LMTK2: variants seen among roughly 807,000 people sequenced by gnomAD.
LMTK2 encodes the protein lemur tail kinase 2.
LMTK2 carries 37 observed loss-of-function variants against 127.5 expected under a neutral mutation model. The observed-to-expected ratio is 0.29, with a 90% CI of 0.22 to 0.38. LMTK2 has a LOEUF of 0.38. Ranked by LOEUF, LMTK2 falls within the 10% of genes least tolerant of loss-of-function variation. The pLI is 1.00. For missense variants in LMTK2, 1,694 were observed against 1,920.3 expected, an observed-to-expected ratio of 0.88 and a Z score of 2.20; for synonymous variants, 819 against 810.1, an observed-to-expected ratio of 1.01 and a Z score of -0.19.
At position 98,193,111 on chromosome 7, in the gene LMTK2, G is replaced by A. The variant is rs1323329049; in HGVS notation, c.2646G>A (p.Arg882=). Residue 882 remains arginine, a synonymous_variant, in exon 11 of 14, where the codon AGG becomes AGA. Transcript: ENST00000297293. The surrounding 1 kb of genome is among the most constrained non-coding windows in gnomAD (Gnocchi z 4.1). ...TDARTHSLDN[R]SQDSPGESEE... ...CCAGAACCCACAGCCTGGATAACAG[G>A]TCCCAGGACTCTCCTGGCGAGAGTG... 6.2e-7 allele frequency: 1 copy of A among 1,613,664 alleles called. No individual in the cohort carries two copies. Among genetic ancestry groups the A allele is most frequent in the Non-Finnish European group, 8.5e-7 (1 of 1,180,030 alleles).
intron 7 of LMTK2, among the ~76,000 whole-genome samples, chr7:98,172,799 C>T (rs1484721647): frequency 6.6e-6 from 1 of 152,092 alleles, no homozygotes; most frequent in African/African-American, 2.4e-5. Context: ...TCTCTGTCGC[C>T]CAGGCTGGAG....
In LMTK2 at chr7:98,193,287, A is replaced by G. The variant is rs1450868447; in HGVS notation, c.2822A>G (p.Glu941Gly). The change falls in exon 11 of 14, where the codon GAG (glutamate) becomes GGG (glycine). Residue 941 changes from glutamate to glycine, a missense_variant. This residue lies in a region of LMTK2 where 527 missense variants were observed against 539.8 expected (regional missense o/e 0.98). Transcript: ENST00000297293. The surrounding 1 kb of genome is among the most constrained non-coding windows in gnomAD (Gnocchi z 4.1). ...SEDHHSHRRL[E>G]KNLEAVETLN... is the part of the protein sequence containing the mutation. ...GACCATCACAGTCATCGCCGGCTAG[A>G]GAAAAACTTAGAGGCTGTGGAGACT... 1 of 1,613,942 alleles carries G rather than the reference A, an allele frequency of 6.2e-7. No individual in the cohort carries two copies. The highest frequency in any genetic ancestry group is 8.5e-7 in the Non-Finnish European group (1 of 1,180,032).
Position 98,193,676 on chromosome 7 carries a change from C to A in LMTK2, c.3211C>A (p.Pro1071Thr). 6.2e-7 allele frequency: 1 copy of A among 1,613,924 alleles called. No homozygotes were observed. The highest frequency in any genetic ancestry group is 8.5e-7 in the Non-Finnish European group (1 of 1,180,024). The change falls in exon 11 of 14, where the codon CCG (proline) becomes ACG (threonine). Residue 1071 changes from proline to threonine, a missense_variant. Physicochemically the swap from Pro to Thr is conservative, Grantham distance 38. This residue lies in a region of LMTK2 where 65 missense variants were observed against 116.5 expected (regional missense o/e 0.56). Transcript: ENST00000297293. The surrounding 1 kb of genome is among the most constrained non-coding windows in gnomAD (Gnocchi z 4.1). Reference protein sequence around the residue: ...DGGHSGLPPNPVIVISDAGDG... With the variant: ...DGGHSGLPPNTVIVISDAGDG... Reference sequence around the variant, plus strand: ...CGGCCACAGCGGTCTGCCTCCCAACCCGGTCATTGTCATCTCAGATGCCGG... The same window carrying A: ...CGGCCACAGCGGTCTGCCTCCCAACACGGTCATTGTCATCTCAGATGCCGG...
chr7:98,116,760 A>G (rs1796292748), intron 1 of LMTK2, among the ~76,000 whole-genome samples: 1 of 152,156 alleles, frequency 6.6e-6, no homozygotes, highest in African/African-American at 2.4e-5. Flanking sequence ...AGTTTCTTTA[A>G]TATTTCTCTA....
At chr7:98,173,547 A>G (rs1320899444) in intron 7 of LMTK2, among the ~76,000 whole-genome samples, 1 of 152,232 alleles carries the variant, frequency 6.6e-6, no homozygotes, top group Non-Finnish European at 1.5e-5. Flanking sequence ...TAATTTTAAA[A>G]GAGCATAATA....
intron 1 of LMTK2, among the ~76,000 whole-genome samples, chr7:98,123,177 G>T (rs1796392156): frequency 6.6e-6 from 1 of 152,196 alleles, no homozygotes; most frequent in Admixed American, 6.5e-5. Flanking sequence ...TGTGCTTGTA[G>T]CACTGTTTGT....
rs988010126 is a variant in LMTK2, at chr7:98,168,502, A to G, written c.658-3039A>G. 4.6e-5 allele frequency among the ~76,000 whole-genome samples: 7 copies of G among 152,348 alleles called. 1 individual carries two copies. In the South Asian group the frequency reaches 1.4e-3, roughly 32 times the overall value. On this transcript the variant is annotated intron_variant, in intron 6 of 13. Transcript: ENST00000297293. Reference sequence around the variant, plus strand: ...TCTATATCATTCTTTCATCCTTTCAATAAAATTATTGAAGATTATGTTTTT... The same window carrying G: ...TCTATATCATTCTTTCATCCTTTCAGTAAAATTATTGAAGATTATGTTTTT...
chr7:98,193,819 G>A lies in LMTK2; in HGVS notation c.3354G>A (p.Glu1118=), dbSNP rs1270806296. Residue 1118 remains glutamate, a synonymous_variant, in exon 11 of 14, where the codon GAG becomes GAA. Coordinates refer to ENST00000297293, the MANE Select transcript of LMTK2 (RefSeq NM_014916.4). This position sits in a 1 kb window ranked among gnomAD's most constrained non-coding sequence, Gnocchi z 4.1. ...ACTCTGAGCCCGAGAAAAGGTCTGA[G>A]GAGGTCCCGGGAACCTCCCCATCCG... is the stretch of plus-strand genomic sequence containing the variant. ...DNDSEPEKRS[E]EVPGTSPSAL... 1.2e-6 allele frequency: 2 copies of A among 1,613,996 alleles called. No homozygotes were observed. Among genetic ancestry groups the A allele is most frequent in the South Asian group, 2.2e-5 (2 of 91,072 alleles).
At chr7:98,168,018 GGTCACTCCTTGATAGGC>G (rs1372413273) in intron 6 of LMTK2, among the ~76,000 whole-genome samples, 10 of 152,214 alleles carry the variant, frequency 6.6e-5, no homozygotes, top group Admixed American at 5.2e-4. Flanking sequence ...GAAGTGGGCA[GGTCACTCCTTGATAGGC>G]CTGGCGAGAG....
At chr7:98,198,727 T>C (rs753344288) in intron 11 of LMTK2, among the ~76,000 whole-genome samples, 7 of 152,202 alleles carry the variant, frequency 4.6e-5, no homozygotes, top group Non-Finnish European at 1.0e-4. Flanking sequence ...TGAATCTGCC[T>C]GCCTTGGCTT....
chr7:98,137,486 G>A, intron 2 of LMTK2, 44 bp downstream of exon 2: 1 of 1,578,346 alleles, frequency 6.3e-7, no homozygotes. Flanking sequence ...CTTCCAATAT[G>A]TTTTTCAATA....
chr7:98,118,083 G>A (rs1224584207), intron 1 of LMTK2, among the ~76,000 whole-genome samples: 6 of 152,236 alleles, frequency 3.9e-5, no homozygotes, highest in Middle Eastern at 6.8e-3. Flanking sequence ...TGGGGTTGTG[G>A]GGAGGGGAGG....
chr7:98,126,934 T>C (rs1796453282), intron 1 of LMTK2, among the ~76,000 whole-genome samples: 1 of 152,208 alleles, frequency 6.6e-6, no homozygotes, highest in Admixed American at 6.5e-5. Context: ...TTGTGGTATC[T>C]CTGATTCATG....
intron 6 of LMTK2, among the ~76,000 whole-genome samples, chr7:98,164,456 C>A (rs756659725): frequency 2.0e-5 from 3 of 152,198 alleles, no homozygotes; most frequent in Non-Finnish European, 4.4e-5. Context: ...CCCTTAACCT[C>A]TTCTGTAAAA....
At chr7:98,146,356 C>G (rs115035202) in intron 3 of LMTK2, among the ~76,000 whole-genome samples, 2,171 of 152,184 alleles carry the variant, frequency 0.014, 52 homozygotes, top group African/African-American at 0.05. Context: ...TCCTATTTCT[C>G]TAAAACAGGC....
Position 98,107,567 on chromosome 7 carries a change from C to T in LMTK2, c.103+287C>T, listed in dbSNP as rs924726072. On this transcript the variant is annotated intron_variant, in intron 1 of 13. Transcript: ENST00000297293. ...GGCCCTGGACCTGTTGCCTTAAGATCCTCAGCTTATATCGCTTCCTGGCAG... is the reference window on the plus strand; with the variant it reads ...GGCCCTGGACCTGTTGCCTTAAGATTCTCAGCTTATATCGCTTCCTGGCAG... 2.6e-5 allele frequency among the ~76,000 whole-genome samples: 4 copies of T among 152,346 alleles called. No homozygotes were observed. In the East Asian group the frequency reaches 7.7e-4, roughly 29 times the overall value.
At chr7:98,153,275 CA>C (rs1196655929) in intron 4 of LMTK2, among the ~76,000 whole-genome samples, 1 of 152,044 alleles carries the variant, frequency 6.6e-6, no homozygotes, top group East Asian at 1.9e-4. Context: ...AAGTGGAAAC[CA>C]GGGGGAGGCT....
chr7:98,162,571 G>A (rs893788378), intron 6 of LMTK2, among the ~76,000 whole-genome samples: 13 of 152,242 alleles, frequency 8.5e-5, no homozygotes, highest in African/African-American at 2.2e-4. Context: ...TAAGTCACTC[G>A]GGGACGGTCA....
rs1008699374 is a variant in LMTK2 at position 98,106,966 on chromosome 7, C to T, written c.-212C>T. Reference sequence around the variant, plus strand: ...CTGTTGAGAGGCGGCGGCGGCGGCGCAGGCGGGCGGGAAGGATGGTGTTTC... The same window carrying T: ...CTGTTGAGAGGCGGCGGCGGCGGCGTAGGCGGGCGGGAAGGATGGTGTTTC... On this transcript the variant is annotated 5_prime_UTR_variant, in exon 1 of 14. Transcript: ENST00000297293. 54 of 459,668 alleles carry T rather than the reference C, an allele frequency of 1.2e-4. No homozygotes were observed. Among genetic ancestry groups the T allele is most frequent in the Non-Finnish European group, 1.9e-4 (50 of 260,260 alleles). 28.5% of individuals were successfully genotyped at this position (459,668 alleles called of 1,614,324 possible). A position where few individuals can be genotyped will look rare whatever the true frequency, so the allele number is the denominator to read the frequency against.
Sources: allele counts gnomAD v4.1 joint callset (sites outside exome capture counted in the v4.1 genomes callset), GRCh38; gene constraint gnomAD v4.1.1; regional missense constraint gnomAD v4.1.1; non-coding constraint Gnocchi (gnomAD v3.1); transcripts MANE v1.5; gene names NCBI Gene and HGNC (gene_info 2026-07-23, HGNC 2026-07-21).